The following ADGRG4 variants were observed in gnomAD, a reference collection of about 807,000 sequenced individuals.
ADGRG4 encodes the protein adhesion G protein-coupled receptor G4, also known as G protein-coupled receptor 112.
In ADGRG4, 122 loss-of-function variants were observed where a neutral mutation model predicts 126.2. The ratio of observed to expected loss-of-function variants is 0.97; its 90% CI spans 0.83 to 1.12. ADGRG4 has a LOEUF of 1.12. Ranked by LOEUF, ADGRG4 falls within the 50% of genes most tolerant of loss-of-function variation. The pLI, the probability that ADGRG4 is intolerant of heterozygous loss-of-function variation, is 0.00. For missense variants in ADGRG4, 2,481 were observed against 2,251.8 expected, an observed-to-expected ratio of 1.10 and a Z score of -2.06; for synonymous variants, 943 against 838.7, an observed-to-expected ratio of 1.12 and a Z score of -2.15.
intron 15 of ADGRG4, among the ~76,000 whole-genome samples, chrX:136,377,113 A>G (rs1457684405): frequency 1.6e-5 from 1 of 63,174 alleles, no homozygotes; most frequent in African/African-American, 6.5e-5. Context: ...TTGCCTATCT[A>G]TTTTCTCAAT....
At position 136,345,481 on chromosome X, in the gene ADGRG4, C is replaced by A; in HGVS notation, c.1775C>A (p.Ser592Tyr). ...TALTPEITLA[S>Y]TVAETMLSST... ...TTAACTCCTGAAATCACACTTGCAT[C>A]TACAGTGGCTGAAACTATGCTTTCC... The change falls in exon 6 of 26, where the codon TCT (serine) becomes TAT (tyrosine). Residue 592 changes from serine to tyrosine, a missense_variant. By Grantham distance (144) the Ser-to-Tyr change is moderately radical (BLOSUM62 -2). Coordinates refer to ENST00000394143, the MANE Select transcript of ADGRG4 (RefSeq NM_153834.4). 8.3e-7 allele frequency: 1 copy of A among 1,211,011 alleles called. No individual in the cohort carries two copies. The highest frequency in any genetic ancestry group is 1.1e-6 in the Non-Finnish European group (1 of 895,045).
intron 4 of ADGRG4, among the ~76,000 whole-genome samples, chrX:136,314,016 T>C (rs1370053689): frequency 6.3e-5 from 7 of 111,590 alleles, no homozygotes; most frequent in Non-Finnish European, 5.6e-5. Context: ...ACTCTCCACA[T>C]CTAATCCATT....
In ADGRG4 at chrX:136,347,650, C is replaced by T; in HGVS notation, c.3944C>T (p.Pro1315Leu). The part of the protein sequence containing the change: ...TKISSHQTHS[P>L]SEIPLGTPSD... ...ATTTCCAGTCACCAAACACATTCGCCTTCAGAGATTCCACTTGGGACTCCC... is the reference window on the plus strand; with the variant it reads ...ATTTCCAGTCACCAAACACATTCGCTTTCAGAGATTCCACTTGGGACTCCC... Residue 1315 changes from proline (P) to leucine (L), a missense_variant, in exon 6 of 26, where the codon CCT becomes CTT. Coordinates refer to ENST00000394143, the MANE Select transcript of ADGRG4 (RefSeq NM_153834.4). The T allele has an allele frequency of 1.7e-6, 2 of 1,210,408 alleles. No homozygotes were observed. The highest frequency in any genetic ancestry group is 3.0e-5 in the East Asian group (1 of 33,820).
rs758569179 is a variant in ADGRG4 at position 136,323,350 on chromosome X, G to C, written c.643G>C (p.Val215Leu). 1 of 1,210,127 alleles carries C rather than the reference G, an allele frequency of 8.3e-7. No individual in the cohort carries two copies. The highest frequency in any genetic ancestry group is 1.8e-5 in the South Asian group (1 of 56,680). ...IVSWEEDVWL[V>L]NKIIPTVDRT... ...TAGTTGGGAAGAAGACGTCTGGCTT[G>C]TCAACAAGATCATCCCAACTGTTGA... The change falls in exon 5 of 26, where the codon GTC becomes CTC. Residue 215 changes from valine to leucine, a missense_variant. By Grantham distance (32) the Val-to-Leu change is conservative. Coordinates refer to ENST00000394143, the MANE Select transcript of ADGRG4 (RefSeq NM_153834.4).
chrX:136,405,514 G>A (rs1444605587), intron 22 of ADGRG4, among the ~76,000 whole-genome samples, 178 bp from the exon 23 acceptor site: 1 of 111,653 alleles, frequency 9.0e-6, no homozygotes, highest in Non-Finnish European at 1.9e-5. Context: ...TGGGGCTCAG[G>A]AGATTGAGGT....
At chrX:136,354,010 C>A (rs1297269851) in intron 8 of ADGRG4, among the ~76,000 whole-genome samples, 1 of 111,810 alleles carries the variant, frequency 8.9e-6, no homozygotes, top group Non-Finnish European at 1.9e-5. Context: ...CCCGCAGAAG[C>A]TCTTTGAAAA....
At chrX:136,318,040 C>T (rs907550590) in intron 4 of ADGRG4, among the ~76,000 whole-genome samples, 2 of 112,246 alleles carry the variant, frequency 1.8e-5, no homozygotes, top group African/African-American at 6.5e-5. Flanking sequence ...TCTACTCTTA[C>T]GTTTATACCC....
chrX:136,331,752 T>G (rs2074911437), intron 5 of ADGRG4, among the ~76,000 whole-genome samples: 1 of 111,607 alleles, frequency 9.0e-6, no homozygotes, highest in Non-Finnish European at 1.9e-5. Context: ...TGTTTTGCCC[T>G]TTTTTAAAAA....
At chrX:136,308,627 A>G in intron 3 of ADGRG4, 142 bp from the exon 4 acceptor site, 1 of 491,971 alleles carries the variant, frequency 2.0e-6, no homozygotes, top group South Asian at 2.8e-5. Context: ...GTAAATGCCT[A>G]TCATGTGGTT....
intron 9 of ADGRG4, among the ~76,000 whole-genome samples, chrX:136,356,682 A>G (rs1231176437): frequency 8.9e-6 from 1 of 111,847 alleles, no homozygotes; most frequent in Non-Finnish European, 1.9e-5. Context: ...TAAGTATTTG[A>G]TGATACAGAA....
chrX:136,352,822 C>T (rs1239570906), intron 7 of ADGRG4, among the ~76,000 whole-genome samples: 3 of 112,013 alleles, frequency 2.7e-5, no homozygotes, highest in African/African-American at 9.7e-5. Context: ...GCTACCATAA[C>T]AAAATGCCAC....
chrX:136,360,066 A>G (rs1436215672), intron 11 of ADGRG4, among the ~76,000 whole-genome samples: 1 of 111,744 alleles, frequency 8.9e-6, no homozygotes. Context: ...CAGACTAATT[A>G]AGTATAAGAG....
Position 136,345,686 on chromosome X carries a change from A to T in ADGRG4, c.1980A>T (p.Pro660=). The T allele has an allele frequency of 8.3e-7, 1 of 1,211,723 alleles. No individual in the cohort carries two copies. Among genetic ancestry groups the T allele is most frequent in the Non-Finnish European group, 1.1e-6 (1 of 895,288 alleles). The change falls in exon 6 of 26, where the codon CCA becomes CCT. Residue 660 remains proline (P), a synonymous_variant. Coordinates refer to ENST00000394143, the MANE Select transcript of ADGRG4 (RefSeq NM_153834.4). The part of the protein sequence containing the change: ...SSNETIWTSR[P]DQALLASMNT... ...ATGAGACCATTTGGACTTCTAGGCCAGACCAGGCCCTGCTGGCATCTATGA... is the reference window on the plus strand; with the variant it reads ...ATGAGACCATTTGGACTTCTAGGCCTGACCAGGCCCTGCTGGCATCTATGA...
chrX:136,349,032 A>G lies in ADGRG4; in HGVS notation c.5326A>G (p.Ser1776Gly). ...QVSPSLTSFK[S>G]ASGPTKNVKT... ...TTCCCCATCTCTGACTAGCTTTAAG[A>G]GTGCTTCTGGACCCACAAAAAATGT... The change falls in exon 6 of 26, where the codon AGT becomes GGT. Residue 1776 changes from serine to glycine, a missense_variant. Transcript: ENST00000394143. 7.5e-6 allele frequency: 9 copies of G among 1,205,945 alleles called. No individual in the cohort carries two copies. Among genetic ancestry groups the G allele is most frequent in the Non-Finnish European group, 1.0e-5 (9 of 890,874 alleles).
intron 5 of ADGRG4, among the ~76,000 whole-genome samples, chrX:136,325,711 C>CT (rs142748862): frequency 0.39 from 35,721 of 91,898 alleles, 6,326 homozygotes; most frequent in Middle Eastern, 0.48. Flanking sequence ...CTTTTGTACA[C>CT]TTTTTTTTTT....
chrX:136,350,232 G>C lies in ADGRG4; in HGVS notation c.6526G>C (p.Asp2176His), dbSNP rs760061255. 8.3e-7 allele frequency: 1 copy of C among 1,206,318 alleles called. No individual in the cohort carries two copies. The highest frequency in any genetic ancestry group is 1.1e-6 in the Non-Finnish European group (1 of 890,894). The change falls in exon 6 of 26, where the codon GAC (aspartate) becomes CAC (histidine). Residue 2176 changes from aspartate to histidine, a missense_variant. Transcript: ENST00000394143. ...TTTAATTATTCCTAAGCCCACACTG[G>C]ACTCCCTTCTAAATATAATGACTAC... ...STLIIPKPTL[D>H]SLLNIMTTTS...
At chrX:136,331,396 T>C (rs1346004249) in intron 5 of ADGRG4, among the ~76,000 whole-genome samples, 2 of 112,584 alleles carry the variant, frequency 1.8e-5, no homozygotes, top group Non-Finnish European at 3.8e-5. Context: ...GGTAGCTCTA[T>C]TTTTAGTTTT....
intron 13 of ADGRG4, among the ~76,000 whole-genome samples, chrX:136,364,634 C>T (rs1569328874): frequency 9.0e-6 from 1 of 111,043 alleles, no homozygotes; most frequent in Non-Finnish European, 1.9e-5. Flanking sequence ...AATACTATAA[C>T]ATATTTTTAA....
chrX:136,411,883 C>T (rs1178857138), intron 23 of ADGRG4, among the ~76,000 whole-genome samples: 1 of 112,625 alleles, frequency 8.9e-6, no homozygotes, highest in African/African-American at 3.2e-5. Context: ...AGAGAGGGCT[C>T]GCTCTTTTAT....
Sources: allele counts gnomAD v4.1 joint callset (sites outside exome capture counted in the v4.1 genomes callset), GRCh38; gene constraint gnomAD v4.1.1; transcripts MANE v1.5; gene names NCBI Gene and HGNC (gene_info 2026-07-23, HGNC 2026-07-21).